Variants in WDR41 observed in about 807,000 individuals in gnomAD.
WDR41 encodes WD repeat-containing protein 41.
A neutral mutation model predicts 69.3 loss-of-function variants in WDR41; 63 were observed. That is an observed-to-expected ratio of 0.91 (90% CI 0.74 to 1.12). The LOEUF (loss-of-function observed/expected upper bound fraction) is 1.12. Ranked by LOEUF, WDR41 falls within the 50% of genes most tolerant of loss-of-function variation. WDR41 has a pLI of 0.00. For synonymous variants in WDR41, 185 were observed against 192.1 expected (o/e 0.96, Z 0.31); for missense variants, 543 against 534.5 (o/e 1.02, Z -0.16).
intron 1 of WDR41, among the ~76,000 whole-genome samples, chr5:77,554,671 G>A (rs1441309739): frequency 6.6e-6 from 1 of 150,974 alleles, no homozygotes; most frequent in Non-Finnish European, 1.5e-5. Flanking sequence ...TATAATTTCT[G>A]TTGTTTATGA....
At chr5:77,609,012 T>C (rs2112336523) in intron 1 of WDR41, among the ~76,000 whole-genome samples, 1 of 152,274 alleles carries the variant, frequency 6.6e-6, no homozygotes, top group South Asian at 2.1e-4. Flanking sequence ...ATCCCGCACC[T>C]GGCTCGGAGG....
At position 77,474,442 on chromosome 5, in the gene WDR41, A is replaced by C. The variant is rs148806280; in HGVS notation, c.168-9633T>G. Among the ~76,000 whole-genome samples, 524 of 152,270 alleles carry C rather than the reference A, an allele frequency of 3.4e-3. 4 individuals are homozygous for C. The highest frequency in any genetic ancestry group is 0.012 in the African/African-American group (487 of 41,548). On this transcript the variant is annotated intron_variant, in intron 2 of 12. Transcript: ENST00000296679. ...CCTAAAACTTAAAGTATAACAACAA[A>C]AAAAATCACAATTTTCATTTAAAGT...
rs186856605 is a variant in WDR41 at position 77,605,330 on chromosome 5, T to C, written c.42+15149A>G. Among the ~76,000 whole-genome samples, 235 of 152,310 alleles carry C rather than the reference T, an allele frequency of 1.5e-3. 1 individual carries two copies. Among genetic ancestry groups the C allele is most frequent in the Non-Finnish European group, 3.8e-4 (26 of 68,038 alleles). On this transcript the variant is annotated intron_variant, in intron 1 of 5. Coordinates refer to the WDR41 transcript ENST00000509971. ...CCCTACCACTCCACATGCCCAAGGA[T>C]TCTCACCATAAATCACTTCTCTGCC...
chr5:77,526,873 T>G (rs1449146891), intron 1 of WDR41, among the ~76,000 whole-genome samples: 1 of 152,148 alleles, frequency 6.6e-6, no homozygotes, highest in African/African-American at 2.4e-5. Context: ...TGGGTTTGGC[T>G]GTACTCAAAA....
rs527595696 is a variant in WDR41, at chr5:77,435,323, G to A, written c.1227+938C>T. On this transcript the variant is annotated intron_variant, in intron 12 of 12. Coordinates refer to ENST00000296679, the MANE Select transcript of WDR41 (RefSeq NM_018268.4). ...CCATTTACAAGATTCAGCAAGAAAT[G>A]TTTCTTCTGAGTCACTGCTGCTTAC... Among the ~76,000 whole-genome samples the A allele has an allele frequency of 2.0e-5, 3 of 152,306 alleles. No individual in the cohort carries two copies. The East Asian group carries it at 5.8e-4, about 29-fold the overall frequency.
At chr5:77,445,462 C>T (rs1169500684) in intron 8 of WDR41, among the ~76,000 whole-genome samples, 1 of 151,954 alleles carries the variant, frequency 6.6e-6, no homozygotes, top group East Asian at 1.9e-4. Flanking sequence ...CAGGAAGAGA[C>T]ACAACAAAAA....
At chr5:77,491,975 C>T in intron 1 of WDR41, 195 bp downstream of exon 1, 1 of 632,292 alleles carries the variant, frequency 1.6e-6, no homozygotes, top group Non-Finnish European at 2.6e-6. Context: ...CGCCTGGGGT[C>T]CCGCCGGGTC....
rs545029483 is a variant in WDR41, at chr5:77,523,178, A to G, written c.43-33606T>C. ...AAAATACAAAAATTAGCTTGGCGTG[A>G]TGGTGCACGCCTGTAATCCCAGCTG... On this transcript the variant is annotated intron_variant, in intron 1 of 5. Coordinates refer to the WDR41 transcript ENST00000509971. Among the ~76,000 whole-genome samples the G allele has an allele frequency of 1.9e-4, 29 of 151,704 alleles. No individual in the cohort carries two copies. The South Asian group carries it at 5.9e-3, about 31-fold the overall frequency.
rs1443610913 is a variant in WDR41 at position 77,492,297 on chromosome 5, T to A, written c.-77A>T. ...GCCCCAGGCTCGGCCTCCTCCTTCC[T>A]CCCCGGCTGCAGCGCAACTGAGACG... On this transcript the variant is annotated 5_prime_UTR_variant, in exon 1 of 13. Transcript: ENST00000296679. The A allele has an allele frequency of 3.8e-6, 6 of 1,581,012 alleles. No homozygotes were observed. The East Asian group carries it at 1.4e-4, about 36-fold the overall frequency.
At chr5:77,580,602 G>GA (rs1262736857) in intron 1 of WDR41, among the ~76,000 whole-genome samples, 2 of 151,858 alleles carry the variant, frequency 1.3e-5, no homozygotes, top group South Asian at 4.2e-4. Flanking sequence ...TACTGCCTTA[G>GA]AAAAATACGC....
chr5:77,508,366 G>A (rs1802146132), intron 1 of WDR41, among the ~76,000 whole-genome samples: 1 of 152,096 alleles, frequency 6.6e-6, no homozygotes, highest in Admixed American at 6.5e-5. Flanking sequence ...GACCTGCCTG[G>A]TTCTCCCAAA....
At chr5:77,460,763 A>G (rs567319934) in intron 4 of WDR41, among the ~76,000 whole-genome samples, 1 of 152,290 alleles carries the variant, frequency 6.6e-6, no homozygotes, top group Non-Finnish European at 1.5e-5. Context: ...CGTTAAACAA[A>G]ATTTTGACTG....
chr5:77,541,154 G>C (rs1353188684), intron 1 of WDR41, among the ~76,000 whole-genome samples: 1 of 152,196 alleles, frequency 6.6e-6, no homozygotes, highest in Non-Finnish European at 1.5e-5. Context: ...TATGTCATCA[G>C]AGTGAACAGA....
chr5:77,451,418 AT>A, intron 6 of WDR41, 65 bp from the exon 7 acceptor site: 2 of 1,470,608 alleles, frequency 1.4e-6, no homozygotes, highest in Non-Finnish European at 9.5e-7. Context: ...AAACAAAAAC[AT>A]TCTCAGTTTT....
At chr5:77,476,677 T>C (rs900928098) in intron 2 of WDR41, among the ~76,000 whole-genome samples, 1 of 151,594 alleles carries the variant, frequency 6.6e-6, no homozygotes, top group Non-Finnish European at 1.5e-5. Context: ...AAGGAAGTGC[T>C]AAACATGGAA....
At chr5:77,434,510 G>C (rs948453912) in intron 12 of WDR41, among the ~76,000 whole-genome samples, 3 of 151,952 alleles carry the variant, frequency 2.0e-5, no homozygotes, top group Non-Finnish European at 4.4e-5. Context: ...ATGAGGACCA[G>C]CCTGGCCAAC....
chr5:77,535,189 G>A (rs145718858), intron 1 of WDR41, among the ~76,000 whole-genome samples: 1 of 151,858 alleles, frequency 6.6e-6, no homozygotes, highest in Non-Finnish European at 1.5e-5. Flanking sequence ...ATCCTAAATT[G>A]CCCCCCTTAT....
chr5:77,544,823 AATAG>A (rs1487921524), intron 1 of WDR41, among the ~76,000 whole-genome samples: 1 of 152,128 alleles, frequency 6.6e-6, no homozygotes, highest in African/African-American at 2.4e-5. Context: ...AAATTGACTT[AATAG>A]ATATATACAG....
At chr5:77,479,425 C>G (rs1158070034) in intron 2 of WDR41, among the ~76,000 whole-genome samples, 1 of 152,118 alleles carries the variant, frequency 6.6e-6, no homozygotes, top group Non-Finnish European at 1.5e-5. Context: ...TCAAACTATA[C>G]TACAAGGCTA....
Sources: gnomAD v4.1 joint callset for allele counts (sites outside exome capture counted in the v4.1 genomes callset) on GRCh38, gnomAD v4.1.1 for gene constraint, MANE v1.5 for transcripts, NCBI Gene and HGNC (gene_info 2026-07-23, HGNC 2026-07-21) for gene names.